The following PMFBP1 variants were observed in gnomAD, a reference collection of about 807,000 sequenced individuals.
PMFBP1 encodes polyamine-modulated factor 1-binding protein 1.
Under a neutral mutation model 137.8 loss-of-function variants are expected in PMFBP1, and 131 were observed. The observed-to-expected ratio is 0.95, with a 90% CI of 0.82 to 1.10. The LOEUF (loss-of-function observed/expected upper bound fraction) is 1.10. PMFBP1 is among the 50% of genes least tolerant of loss of function. The probability of loss-of-function intolerance (pLI) is 0.00; values close to 1 mark genes in which losing one functional copy is unlikely to be tolerated. For missense variants in PMFBP1, 1,199 were observed against 1,175.4 expected, an observed-to-expected ratio of 1.02 and a Z score of -0.29; for synonymous variants, 490 against 450.4, an observed-to-expected ratio of 1.09 and a Z score of -1.11.
chr16:72,123,723 C>G, intron 17 of PMFBP1, 74 bp from the exon 18 acceptor site: 1 of 1,314,430 alleles, frequency 7.6e-7, no homozygotes. Context: ...CGAGTCAGGC[C>G]TCTTCTATCT....
chr16:72,174,766 G>T (rs2043251448), upstream of PMFBP1, among the ~76,000 whole-genome samples: 1 of 152,178 alleles, frequency 6.6e-6, no homozygotes, highest in Non-Finnish European at 1.5e-5. Context: ...GATCTCGTGA[G>T]AACTCATTCA....
At chr16:72,149,570 C>A (rs1448909567) in intron 5 of PMFBP1, among the ~76,000 whole-genome samples, 6 of 152,142 alleles carry the variant, frequency 3.9e-5, no homozygotes, top group Admixed American at 6.6e-5. Flanking sequence ...CGCCTGTAAT[C>A]CTAGCACTTT....
rs1430470293 is a variant in PMFBP1, at chr16:72,129,345, C to T, written c.1783-112G>A. On this transcript the variant is annotated intron_variant, in intron 12 of 20. Transcript: ENST00000237353. ...GCTGAGATGAAGAAGAAGACAATTC[C>T]TTAGTTATATAGCATATGTAAAATA... is the stretch of plus-strand genomic sequence containing the variant. The T allele has an allele frequency of 1.3e-4, 161 of 1,265,270 alleles. 2 individuals carry two copies. The East Asian group carries it at 3.6e-3, about 28-fold the overall frequency. The allele number at this position is 1,265,270 out of a possible 1,614,324, so 78.4% of individuals were successfully genotyped here.
At chr16:72,174,634 T>C (rs1244513685), upstream of PMFBP1, among the ~76,000 whole-genome samples, 1 of 152,244 alleles carries the variant, frequency 6.6e-6, no homozygotes, top group East Asian at 1.9e-4. Flanking sequence ...TGACTCATAG[T>C]TCTGCATGGC....
chr16:72,135,856 G>A lies in PMFBP1; in HGVS notation c.1203+592C>T, dbSNP rs539972399. ...CACCTCCTGGGCTCAAGGGGCTCAT[G>A]TGATCCTGTGACTTGAGCCTCCCAA... is the stretch of plus-strand genomic sequence containing the variant. On this transcript the variant is annotated intron_variant, in intron 9 of 20. Transcript: ENST00000237353. Among the ~76,000 whole-genome samples, 5 of 140,864 alleles carry A rather than the reference G, an allele frequency of 3.5e-5. No individual in the cohort carries two copies. In the South Asian group the frequency reaches 1.2e-3, roughly 32 times the overall value. The allele number at this position is 140,864 out of a possible 152,430, so 92.4% of individuals were successfully genotyped here.
chr16:72,128,694 T>C lies in PMFBP1; in HGVS notation c.2051A>G (p.Asn684Ser). 6.2e-6 allele frequency: 10 copies of C among 1,614,158 alleles called. No homozygotes were observed. Among genetic ancestry groups the C allele is most frequent in the African/African-American group, 1.3e-5 (1 of 75,036 alleles). ...GTCTTGGATGACTTGCTGGCTGGTG[T>C]TGTATTTGTTGAGAGAGGATTCCAG... is the stretch of plus-strand genomic sequence containing the variant. ...TQLESSLNKYNTSQQVIQDLN... is the reference protein window; with the variant it reads ...TQLESSLNKYSTSQQVIQDLN... The change falls in exon 14 of 21, where the codon AAC becomes AGC. Residue 684 changes from asparagine (N) to serine (S), a missense_variant. Coordinates refer to ENST00000237353, the MANE Select transcript of PMFBP1 (RefSeq NM_031293.3).
the PMFBP1 span, among the ~76,000 whole-genome samples, chr16:72,246,553 C>T: frequency 6.6e-6 from 1 of 151,880 alleles, no homozygotes; most frequent in African/African-American, 2.4e-5. Context: ...GACAACTTCC[C>T]CAGTCCCCTC....
At chr16:72,238,162 T>C in the PMFBP1 span, among the ~76,000 whole-genome samples, 1 of 152,262 alleles carries the variant, frequency 6.6e-6, no homozygotes, top group Non-Finnish European at 1.5e-5. Flanking sequence ...TTTGGGTATA[T>C]ACCCAGTAAT....
At chr16:72,127,868 A>G (rs2042485566) in intron 14 of PMFBP1, among the ~76,000 whole-genome samples, 1 of 152,246 alleles carries the variant, frequency 6.6e-6, no homozygotes, top group Admixed American at 6.5e-5. Flanking sequence ...TAGAAAAGTC[A>G]TACTACTTTA....
At chr16:72,244,824 C>A in the PMFBP1 span, among the ~76,000 whole-genome samples, 1 of 152,182 alleles carries the variant, frequency 6.6e-6, no homozygotes, top group Non-Finnish European at 1.5e-5. Flanking sequence ...TAGCCACTTC[C>A]CTTCTTGATT....
chr16:72,179,436 C>T (rs1402090478), upstream of PMFBP1, among the ~76,000 whole-genome samples: 9 of 152,208 alleles, frequency 5.9e-5, no homozygotes, highest in Non-Finnish European at 2.9e-5. Context: ...TTTGCAACCT[C>T]ATCCGCAATG....
intron 2 of PMFBP1, among the ~76,000 whole-genome samples, chr16:72,166,725 T>C (rs767274558): frequency 7.9e-5 from 12 of 152,298 alleles, no homozygotes; most frequent in Admixed American, 3.9e-4. Flanking sequence ...TCTGTCTTGA[T>C]TGGTGTCAAT....
In PMFBP1 at chr16:72,136,481, G is replaced by T. The variant is rs777078704; in HGVS notation, c.1170C>A (p.Thr390=). The change falls in exon 9 of 21, where the codon ACC becomes ACA. Residue 390 remains threonine, a synonymous_variant. Transcript: ENST00000237353. ...CRLQELQLEF[T]ETQKLTLKKD... The stretch of plus-strand genomic sequence containing the variant: ...TCTTCAAAGTGAGCTTTTGGGTCTC[G>T]GTGAACTCCAGCTGCAGCTCCTGCA... 1.2e-6 allele frequency: 2 copies of T among 1,613,766 alleles called. No homozygotes were observed. The highest frequency in any genetic ancestry group is 1.7e-6 in the Non-Finnish European group (2 of 1,179,948).
At chr16:72,204,100 A>G in the PMFBP1 span, among the ~76,000 whole-genome samples, 1 of 151,268 alleles carries the variant, frequency 6.6e-6, no homozygotes, top group Non-Finnish European at 1.5e-5. Flanking sequence ...CTGGAAGCAG[A>G]TTTTTCTTGT....
intron 5 of PMFBP1, among the ~76,000 whole-genome samples, chr16:72,145,122 T>C (rs1196746041): frequency 6.6e-6 from 1 of 152,176 alleles, no homozygotes; most frequent in Non-Finnish European, 1.5e-5. Flanking sequence ...ATTGATCACA[T>C]AATTGGAAGT....
chr16:72,238,327 T>C, the PMFBP1 span, among the ~76,000 whole-genome samples: 2 of 152,244 alleles, frequency 1.3e-5, no homozygotes, highest in Non-Finnish European at 2.9e-5. Context: ...TTTTTGACTT[T>C]TTAATAATAG....
the PMFBP1 span, among the ~76,000 whole-genome samples, chr16:72,241,664 C>T: frequency 6.6e-6 from 1 of 152,278 alleles, no homozygotes; most frequent in African/African-American, 2.4e-5. Context: ...AGGCTGTTTT[C>T]ATCTACTAAG....
chr16:72,122,969 CTA>C lies in PMFBP1; in HGVS notation c.2711_2712del (p.Leu904ArgfsTer123). The C allele has an allele frequency of 6.2e-7, 1 of 1,613,192 alleles. No individual in the cohort carries two copies. The highest frequency in any genetic ancestry group is 8.5e-7 in the Non-Finnish European group (1 of 1,179,956). ...TTCACCTGCTCTCGGAGCTGGTTTC[CTA>C]GTTTCTCATTGGCGACCCTGTAATA... ...AKQQKVANEK[L>X]GNQLREQVKY... On this transcript the variant is annotated frameshift_variant, in exon 19 of 21. Transcript: ENST00000237353. LOFTEE classifies it high-confidence loss of function.
chr16:72,169,785 C>T (rs2043195409), intron 2 of PMFBP1, among the ~76,000 whole-genome samples: 1 of 152,088 alleles, frequency 6.6e-6, no homozygotes, highest in Non-Finnish European at 1.5e-5. Flanking sequence ...GCCTACATTT[C>T]CCCATGTATA....
Sources: gnomAD v4.1 joint callset for allele counts (sites outside exome capture counted in the v4.1 genomes callset) on GRCh38, gnomAD v4.1.1 for gene constraint, MANE v1.5 for transcripts, NCBI Gene and HGNC (gene_info 2026-07-23, HGNC 2026-07-21) for gene names.